TCTN1: variants seen among roughly 807,000 people sequenced by gnomAD.
The protein encoded by TCTN1 is tectonic-1.
TCTN1 carries 58 observed loss-of-function variants against 65.8 expected under a neutral mutation model. That is an observed-to-expected ratio of 0.88 (90% CI 0.71 to 1.10). TCTN1 has a LOEUF of 1.10. TCTN1 is among the 50% of genes least tolerant of loss of function. TCTN1 has a pLI of 0.00. For synonymous variants in TCTN1, 273 were observed against 289.1 expected, an observed-to-expected ratio of 0.94 and a Z score of 0.57; for missense variants, 645 against 719.4, an observed-to-expected ratio of 0.90 and a Z score of 1.18.
intron 13 of TCTN1, 46 bp downstream of exon 13, chr12:110,647,382 G>C (rs143372410): frequency 1.2e-6 from 2 of 1,611,288 alleles, no homozygotes; most frequent in East Asian, 4.5e-5. Flanking sequence ...CAGAAGTCTA[G>C]ACACAACTCA....
chr12:110,632,625 G>C, intron 5 of TCTN1, 66 bp downstream of exon 5: 1 of 1,567,430 alleles, frequency 6.4e-7, no homozygotes, highest in Non-Finnish European at 8.8e-7. Flanking sequence ...TGGAAAAGTA[G>C]TTGCGGTTTT....
chr12:110,618,248 A>T (rs758620673), intron 1 of TCTN1, among the ~76,000 whole-genome samples: 6 of 138,300 alleles, frequency 4.3e-5, no homozygotes, highest in Non-Finnish European at 6.3e-5. Context: ...TAATTTTTGA[A>T]TTTTTTTTTT....
rs10849902 is a variant in TCTN1 at position 110,646,879 on chromosome 12, G to A, written c.1495-317G>A. ...AAGTCTGTGAGGCCGCTATAAACAG[G>A]TAGATGAAGTTAGAGCAGTTATGGC... On this transcript the variant is annotated intron_variant, in intron 12 of 14. Transcript: ENST00000397659. 2.1e-3 allele frequency: 775 copies of A among 365,306 alleles called. 12 individuals are homozygous for A. The East Asian group carries it at 0.043, about 20-fold the overall frequency. The allele number at this position is 365,306 out of a possible 1,614,324, so 22.6% of individuals were successfully genotyped here.
intron 3 of TCTN1, among the ~76,000 whole-genome samples, 175 bp downstream of exon 3, chr12:110,626,667 C>T (rs577796593): frequency 6.6e-6 from 1 of 151,904 alleles, no homozygotes; most frequent in East Asian, 1.9e-4. Flanking sequence ...GAAACCTCCA[C>T]CTCCCAGATT....
Position 110,649,081 on chromosome 12 carries a change from A to G in TCTN1, c.*40A>G, listed in dbSNP as rs146639508. The stretch of plus-strand genomic sequence containing the variant: ...ATCAGTTCCTTAATATACACGTGAA[A>G]TTTGAAAACTGTACATTCGGTGAGA... On this transcript the variant is annotated 3_prime_UTR_variant, in exon 15 of 15. Coordinates refer to ENST00000397659, the MANE Select transcript of TCTN1 (RefSeq NM_001082538.3). 7 of 591,570 alleles carry G rather than the reference A, an allele frequency of 1.2e-5. No homozygotes were observed. In the East Asian group the frequency reaches 2.7e-4, roughly 22 times the overall value. 36.6% of individuals were successfully genotyped at this position (591,570 alleles called of 1,614,324 possible).
At chr12:110,618,720 C>T (rs2065218511) in intron 1 of TCTN1, among the ~76,000 whole-genome samples, 2 of 152,112 alleles carry the variant, frequency 1.3e-5, no homozygotes, top group South Asian at 2.1e-4. Context: ...GAAGGTTGAT[C>T]TTACTTCTTC....
rs1275421596 is a variant in TCTN1 at position 110,619,760 on chromosome 12, G to GTA, written c.221-75_221-74dup. ...ATCTTTTTTATGAAATTGACTTATG[G>GTA]TACACTGTGGTGGCAGGGGGCAGTC... On this transcript the variant is annotated intron_variant, in intron 1 of 14. Transcript: ENST00000397659. 4.4e-6 allele frequency: 7 copies of GTA among 1,606,606 alleles called. No homozygotes were observed. In the East Asian group the frequency reaches 1.6e-4, roughly 36 times the overall value.
intron 1 of TCTN1, among the ~76,000 whole-genome samples, chr12:110,615,527 C>A (rs1002445033): frequency 2.6e-5 from 4 of 152,180 alleles, no homozygotes; most frequent in Non-Finnish European, 5.9e-5. Flanking sequence ...GTTACCCAGG[C>A]TGGAGTGCAG....
chr12:110,639,143 T>C lies in TCTN1; in HGVS notation c.844-1240T>C, dbSNP rs2066784543. Among the ~76,000 whole-genome samples the C allele has an allele frequency of 6.6e-6, 1 of 152,224 alleles. No homozygotes were observed. Among genetic ancestry groups the C allele is most frequent in the Non-Finnish European group, 1.5e-5 (1 of 68,048 alleles). Reference sequence around the variant, plus strand: ...GAATTATAAACAGCATGGTGCATGATTGAGTGCAAGTTCAAAGTGGTATAA... The same window carrying C: ...GAATTATAAACAGCATGGTGCATGACTGAGTGCAAGTTCAAAGTGGTATAA... On this transcript the variant is annotated intron_variant, in intron 7 of 14. Coordinates refer to ENST00000397659, the MANE Select transcript of TCTN1 (RefSeq NM_001082538.3). This position sits in a 1 kb window ranked among gnomAD's most constrained non-coding sequence, Gnocchi z 4.9.
rs571241015 is a variant in TCTN1, at chr12:110,614,328, C to G, written c.146C>G (p.Pro49Arg). The G allele has an allele frequency of 1.9e-5, 31 of 1,605,862 alleles. 1 individual carries two copies. Among genetic ancestry groups the G allele is most frequent in the Non-Finnish European group, 2.2e-5 (26 of 1,177,086 alleles). The change falls in exon 1 of 15, where the codon CCG becomes CGG. Residue 49 changes from proline to arginine, a missense_variant. By Grantham distance (103) the Pro-to-Arg change is moderately radical. Coordinates refer to ENST00000397659, the MANE Select transcript of TCTN1 (RefSeq NM_001082538.3). ...GCCCTGGCCACCTTCGGAACTTTCCCGTCGACCAGGCCCCCCGGGACTCCC... is the reference window on the plus strand; with the variant it reads ...GCCCTGGCCACCTTCGGAACTTTCCGGTCGACCAGGCCCCCCGGGACTCCC... ...EAALATFGTF[P>R]STRPPGTPRA...
intron 7 of TCTN1, among the ~76,000 whole-genome samples, chr12:110,638,148 T>C (rs1454170476): frequency 6.6e-6 from 1 of 152,068 alleles, no homozygotes; most frequent in Non-Finnish European, 1.5e-5. Context: ...GGGACAGGGA[T>C]CTAGGTGGTC....
chr12:110,614,254 C>T lies in TCTN1; in HGVS notation c.72C>T (p.Thr24=), dbSNP rs938596606. ...GCTGGGCCTCCGTGAGCGCCCAGAC[C>T]GATGCCACCCCGGCGGTGACGACAG... ...LGCWASVSAQ[T]DATPAVTTEG... The change falls in exon 1 of 15, where the codon ACC becomes ACT. Residue 24 remains threonine, a synonymous_variant. Transcript: ENST00000397659. 3 of 1,594,880 alleles carry T rather than the reference C, an allele frequency of 1.9e-6. No individual in the cohort carries two copies. The highest frequency in any genetic ancestry group is 1.7e-6 in the Non-Finnish European group (2 of 1,171,566).
chr12:110,614,215 G>A lies in TCTN1; in HGVS notation c.33G>A (p.Val11=), dbSNP rs941773530. The A allele has an allele frequency of 1.3e-6, 2 of 1,582,652 alleles. No individual in the cohort carries two copies. The highest frequency in any genetic ancestry group is 1.3e-5 in the African/African-American group (1 of 74,580). MRPRGLPPLL[V]VLLGCWASVS... is the part of the protein sequence containing the mutation. Reference sequence around the variant, plus strand: ...CGCGAGGTCTCCCGCCGCTCCTGGTGGTGCTCCTGGGCTGCTGGGCCTCCG... The same window carrying A: ...CGCGAGGTCTCCCGCCGCTCCTGGTAGTGCTCCTGGGCTGCTGGGCCTCCG... Residue 11 remains valine, a synonymous_variant, in exon 1 of 15, where the codon GTG becomes GTA. Coordinates refer to ENST00000397659, the MANE Select transcript of TCTN1 (RefSeq NM_001082538.3).
intron 13 of TCTN1, 115 bp from the exon 14 acceptor site, chr12:110,647,634 T>C (rs974106468): frequency 1.5e-5 from 23 of 1,499,736 alleles, no homozygotes; most frequent in Non-Finnish European, 2.0e-5. Flanking sequence ...CTCCAGGACC[T>C]ATCAGATTCA....
rs1422194911 is a variant in TCTN1, at chr12:110,639,789, A to G, written c.844-594A>G. Among the ~76,000 whole-genome samples, 2 of 152,170 alleles carry G rather than the reference A, an allele frequency of 1.3e-5. No homozygotes were observed. The highest frequency in any genetic ancestry group is 2.9e-5 in the Non-Finnish European group (2 of 68,022). On this transcript the variant is annotated intron_variant, in intron 7 of 14. Transcript: ENST00000397659. This position sits in a 1 kb window ranked among gnomAD's most constrained non-coding sequence, Gnocchi z 4.9. The stretch of plus-strand genomic sequence containing the variant: ...ATTCCGGAACATTTCCATCACCCCA[A>G]AAAGGAGCCTTGTGTTAGCAGTCAC...
chr12:110,616,298 C>A (rs1419957808), intron 1 of TCTN1: 1 of 447,652 alleles, frequency 2.2e-6, no homozygotes. Context: ...GTCACTCAGG[C>A]TGGAGTATAG....
chr12:110,641,958 T>A (rs181405097), intron 10 of TCTN1: 2 of 555,034 alleles, frequency 3.6e-6, no homozygotes, highest in African/African-American at 3.7e-5. Flanking sequence ...AAAGTTGACA[T>A]TTAAATGTTT....
At chr12:110,646,840 C>A (rs766650277) in intron 12 of TCTN1, 3 of 266,282 alleles carry the variant, frequency 1.1e-5, no homozygotes, top group Non-Finnish European at 2.2e-5. Flanking sequence ...TCCCTCCCAC[C>A]AGTTTCTTTC....
chr12:110,614,534 TA>T, intron 1 of TCTN1, 132 bp downstream of exon 1: 1 of 1,505,218 alleles, frequency 6.6e-7, no homozygotes, highest in Non-Finnish European at 8.9e-7. Flanking sequence ...GAGTGTTCCA[TA>T]AACGTCCATT....
Sources: allele counts gnomAD v4.1 joint callset (sites outside exome capture counted in the v4.1 genomes callset), GRCh38; gene constraint gnomAD v4.1.1; non-coding constraint Gnocchi (gnomAD v3.1); transcripts MANE v1.5; gene names NCBI Gene and HGNC (gene_info 2026-07-23, HGNC 2026-07-21).